Variants in OPA1 observed in about 807,000 individuals in gnomAD.
The protein encoded by OPA1 is dynamin-like GTPase OPA1, mitochondrial.
Under a neutral mutation model 152.9 loss-of-function variants are expected in OPA1, and 59 were observed. That is an observed-to-expected ratio of 0.39 (90% CI 0.31 to 0.48). OPA1 has a LOEUF of 0.48. Ranked by LOEUF, OPA1 falls within the 20% of genes least tolerant of loss-of-function variation. OPA1 has a pLI of 0.96. For missense variants in OPA1, 1,008 were observed against 1,216.8 expected (o/e 0.83, Z 2.55); for synonymous variants, 400 against 389.9 (o/e 1.03, Z -0.31).
intron 21 of OPA1, among the ~76,000 whole-genome samples, chr3:193,652,083 A>G (rs941417035): frequency 2.6e-5 from 4 of 152,214 alleles, no homozygotes; most frequent in African/African-American, 7.2e-5. Flanking sequence ...AGTCACCTAT[A>G]ATAACACAGA....
chr3:193,676,995 A>C (rs886141010), intron 29 of OPA1, among the ~76,000 whole-genome samples: 31 of 151,246 alleles, frequency 2.0e-4, no homozygotes, highest in Non-Finnish European at 3.4e-4. Context: ...AAAAAAAAAA[A>C]AAAAAAAAAG....
At chr3:193,656,216 A>G (rs1050458600) in intron 22 of OPA1, among the ~76,000 whole-genome samples, 1 of 152,072 alleles carries the variant, frequency 6.6e-6, no homozygotes, top group Non-Finnish European at 1.5e-5. Flanking sequence ...GAAAGCATCA[A>G]TTTTTCTTTC....
chr3:193,615,145 T>C (rs1728822643), intron 2 of OPA1, 104 bp downstream of exon 2: 1 of 918,592 alleles, frequency 1.1e-6, no homozygotes, highest in African/African-American at 1.6e-5. Flanking sequence ...TGTTTAAACA[T>C]TTATTTTGTG....
At chr3:193,650,831 C>T (rs1712234195) in intron 21 of OPA1, among the ~76,000 whole-genome samples, 1 of 152,094 alleles carries the variant, frequency 6.6e-6, no homozygotes, top group African/African-American at 2.4e-5. Flanking sequence ...ATCATGTGAC[C>T]AGCAATGTAG....
chr3:193,655,206 C>T (rs146037987), intron 22 of OPA1, among the ~76,000 whole-genome samples, 179 bp downstream of exon 22: 39 of 152,134 alleles, frequency 2.6e-4, no homozygotes, highest in Admixed American at 3.9e-4. Context: ...CCAGTTACTA[C>T]GGTTATAAAA....
chr3:193,627,898 G>GT (rs1415438320), intron 7 of OPA1, among the ~76,000 whole-genome samples: 4 of 152,100 alleles, frequency 2.6e-5, no homozygotes, highest in Non-Finnish European at 5.9e-5. Context: ...TTTACCCTGA[G>GT]TAGAGCACCA....
intron 9 of OPA1, among the ~76,000 whole-genome samples, chr3:193,636,796 C>A (rs1452075953): frequency 2.0e-5 from 3 of 152,172 alleles, no homozygotes; most frequent in African/African-American, 7.2e-5. Flanking sequence ...CTTTCTCTCT[C>A]ATGCATGCCT....
At chr3:193,693,581 A>G (rs1721956060) in intron 30 of OPA1, among the ~76,000 whole-genome samples, 1 of 152,218 alleles carries the variant, frequency 6.6e-6, no homozygotes, top group Non-Finnish European at 1.5e-5. Flanking sequence ...TAGTGGTTGC[A>G]GTAAGCAGAA....
intron 19 of OPA1, among the ~76,000 whole-genome samples, chr3:193,647,745 G>T (rs1734912446): frequency 6.6e-6 from 1 of 152,142 alleles, no homozygotes; most frequent in African/African-American, 2.4e-5. Flanking sequence ...CTATTACCCA[G>T]TGTCACACAA....
At chr3:193,663,651 G>C (rs1210983314) in intron 26 of OPA1, among the ~76,000 whole-genome samples, 1 of 152,052 alleles carries the variant, frequency 6.6e-6, no homozygotes, top group East Asian at 1.9e-4. Flanking sequence ...AATAAGTCTA[G>C]TGGGGAAAGC....
At chr3:193,642,640 G>T in intron 11 of OPA1, 125 bp from the exon 12 acceptor site, 1 of 735,578 alleles carries the variant, frequency 1.4e-6, no homozygotes, top group Non-Finnish European at 2.4e-6. Context: ...GGGTGCCCCA[G>T]CAGTAGTGTG....
intron 22 of OPA1, among the ~76,000 whole-genome samples, chr3:193,656,746 G>T (rs1030012702): frequency 1.3e-5 from 2 of 152,052 alleles, no homozygotes; most frequent in African/African-American, 2.4e-5. Flanking sequence ...AGGAATATGG[G>T]TATATCCTTC....
intron 29 of OPA1, chr3:193,668,374 G>T (rs751153955): frequency 6.4e-6 from 10 of 1,551,314 alleles, no homozygotes; most frequent in Non-Finnish European, 8.7e-6. Context: ...ACATGGCGCC[G>T]CACCCAGCAT....
rs1722336442 is a variant in OPA1, at chr3:193,697,326, C to G, written c.*2726C>G. 6.6e-6 allele frequency: 1 copy of G among 152,156 alleles called. No homozygotes were observed. The highest frequency in any genetic ancestry group is 1.5e-5 in the Non-Finnish European group (1 of 68,030). The allele number at this position is 152,156 out of a possible 1,614,324, so 9.4% of individuals were successfully genotyped here. On this transcript the variant is annotated 3_prime_UTR_variant, in exon 31 of 31. Transcript: ENST00000361510. ...GTATGGAAATGTGCTTTAAAATATG[C>G]TTACCTTTTGAATGATCATGGCTAT...
At chr3:193,668,663 C>G in intron 29 of OPA1, 2 of 1,474,994 alleles carry the variant, frequency 1.4e-6, no homozygotes, top group Non-Finnish European at 1.8e-6. Flanking sequence ...CTGGACCAGG[C>G]TACCAACAGC....
At chr3:193,677,714 C>T (rs1719411575) in intron 29 of OPA1, among the ~76,000 whole-genome samples, 1 of 152,216 alleles carries the variant, frequency 6.6e-6, no homozygotes, top group African/African-American at 2.4e-5. Flanking sequence ...GTGTCTCCCA[C>T]AGCCCTTCTC....
At chr3:193,622,918 C>T (rs1375801507) in intron 6 of OPA1, among the ~76,000 whole-genome samples, 3 of 152,178 alleles carry the variant, frequency 2.0e-5, no homozygotes, top group African/African-American at 7.2e-5. Context: ...TCATTACCTG[C>T]AAATTCTCCC....
At chr3:193,631,577 A>G in intron 7 of OPA1, 35 bp from the exon 8 acceptor site, 1 of 1,509,134 alleles carries the variant, frequency 6.6e-7, no homozygotes, top group African/African-American at 1.4e-5. Flanking sequence ...GTATAAACCT[A>G]ATTCTATTCA....
chr3:193,647,224 A>G (rs1234094445), intron 19 of OPA1, 44 bp downstream of exon 19: 6 of 1,239,054 alleles, frequency 4.8e-6, no homozygotes, highest in Non-Finnish European at 7.0e-6. Context: ...AAGACATTTT[A>G]TTAGCTGGCA....
Sources: gnomAD v4.1 joint callset for allele counts (sites outside exome capture counted in the v4.1 genomes callset) on GRCh38, gnomAD v4.1.1 for gene constraint, MANE v1.5 for transcripts, NCBI Gene and HGNC (gene_info 2026-07-23, HGNC 2026-07-21) for gene names.